NKD1: variants seen among roughly 807,000 people sequenced by gnomAD.
The protein encoded by NKD1 is protein naked cuticle homolog 1.
In NKD1, 21 loss-of-function variants were observed where a neutral mutation model predicts 56.0. The observed-to-expected ratio is 0.38, with a 90% CI of 0.27 to 0.54. The LOEUF is 0.54. Ranked by LOEUF, NKD1 falls within the 20% of genes least tolerant of loss-of-function variation. The pLI is 0.82. For missense variants in NKD1, 578 were observed against 642.7 expected (o/e 0.90, Z 1.09); for synonymous variants, 263 against 265.7 (o/e 0.99, Z 0.10).
intron 3 of NKD1, among the ~76,000 whole-genome samples, chr16:50,578,987 ATG>A (rs1961048272): frequency 6.6e-6 from 1 of 152,168 alleles, no homozygotes; most frequent in Admixed American, 6.5e-5. Context: ...GTCATTGTGC[ATG>A]TGTTCCTGCT....
chr16:50,577,643 C>T (rs931102004), intron 3 of NKD1, among the ~76,000 whole-genome samples: 2 of 152,168 alleles, frequency 1.3e-5, no homozygotes, highest in Non-Finnish European at 2.9e-5. Flanking sequence ...ACTTTGTACC[C>T]CTTGGCCATC....
Position 50,618,831 on chromosome 16 carries a change from C to T in NKD1, c.260-2771C>T, listed in dbSNP as rs74017746. On this transcript the variant is annotated intron_variant, in intron 4 of 9. Coordinates refer to ENST00000268459, the MANE Select transcript of NKD1 (RefSeq NM_033119.5). ...AGCCACTGGTGAAGAGAGGACAATCCGGGCCACACTGGTCTTTGGGGAAGA... is the reference window on the plus strand; with the variant it reads ...AGCCACTGGTGAAGAGAGGACAATCTGGGCCACACTGGTCTTTGGGGAAGA... Among the ~76,000 whole-genome samples, 972 of 152,182 alleles carry T rather than the reference C, an allele frequency of 6.4e-3. 6 individuals are homozygous for T. Among genetic ancestry groups the T allele is most frequent in the African/African-American group, 0.022 (911 of 41,520 alleles).
chr16:50,610,316 G>A (rs1191594235), intron 4 of NKD1, among the ~76,000 whole-genome samples: 1 of 152,226 alleles, frequency 6.6e-6, no homozygotes, highest in East Asian at 1.9e-4. Context: ...GAGTCGGGTG[G>A]GCATCTGGAC....
At chr16:50,589,633 C>G (rs1417293932) in intron 3 of NKD1, among the ~76,000 whole-genome samples, 1 of 152,138 alleles carries the variant, frequency 6.6e-6, no homozygotes, top group Non-Finnish European at 1.5e-5. Context: ...TTCACGCTCC[C>G]CTATAAAGGC....
In NKD1 at chr16:50,644,729, C is replaced by T. The variant is rs1477342986; in HGVS notation, c.*10948C>T. On this transcript the variant is annotated 3_prime_UTR_variant, in exon 10 of 10. Transcript: ENST00000268459. ...AGCCAACATCACCTGATTCTGTTTC[C>T]TCTGACTCTGTCCTCAAAAGGCAGC... The T allele has an allele frequency of 6.6e-6, 1 of 152,298 alleles. No homozygotes were observed. Among genetic ancestry groups the T allele is most frequent in the East Asian group, 1.9e-4 (1 of 5,198 alleles). 9.4% of individuals were successfully genotyped at this position (152,298 alleles called of 1,614,324 possible). A position where few individuals can be genotyped will look rare whatever the true frequency, so the allele number is the denominator to read the frequency against.
At chr16:50,590,035 AG>A (rs1011703232) in intron 3 of NKD1, among the ~76,000 whole-genome samples, 4 of 151,980 alleles carry the variant, frequency 2.6e-5, no homozygotes, top group African/African-American at 9.7e-5. Context: ...TTTTGTAGAC[AG>A]GTCTTGCTAT....
intron 3 of NKD1, among the ~76,000 whole-genome samples, chr16:50,601,498 G>T (rs975774286): frequency 1.3e-5 from 2 of 152,230 alleles, no homozygotes; most frequent in Admixed American, 1.3e-4. Context: ...CTGCCCACAG[G>T]CAGCCTCCTT....
chr16:50,613,166 C>T (rs1567349174), intron 4 of NKD1, among the ~76,000 whole-genome samples: 1 of 152,032 alleles, frequency 6.6e-6, no homozygotes, highest in African/African-American at 2.4e-5. Flanking sequence ...TCAAGCCTCC[C>T]GTTTTTGGAC....
chr16:50,588,554 T>C lies in NKD1; in HGVS notation c.193-19740T>C, dbSNP rs545529449. ...TGGGTTGAAATCCCAGTGCTGCCAC[T>C]TGTTAGCTACTTGTTCAAGTTTCTT... On this transcript the variant is annotated intron_variant, in intron 3 of 9. Coordinates refer to ENST00000268459, the MANE Select transcript of NKD1 (RefSeq NM_033119.5). Among the ~76,000 whole-genome samples the C allele has an allele frequency of 1.2e-4, 19 of 152,172 alleles. No individual in the cohort carries two copies. The East Asian group carries it at 3.7e-3, about 29-fold the overall frequency.
rs71928407 is a variant in NKD1, at chr16:50,623,725, C to CTGTG, written c.367-1724_367-1721dup. Among the ~76,000 whole-genome samples the CTGTG allele has an allele frequency of 0.027, 3,854 of 141,592 alleles. 101 individuals are homozygous for CTGTG. Among genetic ancestry groups the CTGTG allele is most frequent in the African/African-American group, 0.063 (2,384 of 38,100 alleles). 92.9% of individuals were successfully genotyped at this position (141,592 alleles called of 152,430 possible). On this transcript the variant is annotated intron_variant, in intron 5 of 9. Coordinates refer to ENST00000268459, the MANE Select transcript of NKD1 (RefSeq NM_033119.5). The surrounding 1 kb of genome is among the most constrained non-coding windows in gnomAD (Gnocchi z 4.1). The stretch of plus-strand genomic sequence containing the variant: ...AAGCTGTCTTGGAAACAGGTAAGTG[C>CTGTG]TGTGTGTGTGTGTGTGTGTGTGTGT...
chr16:50,597,038 G>GGGGCTTTGAT (rs1276098249), intron 3 of NKD1, among the ~76,000 whole-genome samples: 1 of 152,170 alleles, frequency 6.6e-6, no homozygotes, highest in Non-Finnish European at 1.5e-5. Context: ...CAAATTGGGT[G>GGGGCTTTGAT]GGGCTTTGAT....
intron 3 of NKD1, among the ~76,000 whole-genome samples, chr16:50,560,823 C>CATCTATCTATCT (rs150440223): frequency 0.4 from 59,581 of 148,342 alleles, 12,326 homozygotes; most frequent in Middle Eastern, 0.5. Context: ...TACCCAAACC[C>CATCTATCTATCT]ATCTATCTAT....
In NKD1 at chr16:50,611,609, G is replaced by C. The variant is rs927447513; in HGVS notation, c.259+3249G>C. 3.9e-5 allele frequency among the ~76,000 whole-genome samples: 6 copies of C among 152,214 alleles called. No homozygotes were observed. In the South Asian group the frequency reaches 1.2e-3, roughly 31 times the overall value. ...GGGAGCAGTGTTAAGACTGAGGCCTGGTGGGGGCTGAGCAGCACTCGGGGA... is the reference window on the plus strand; with the variant it reads ...GGGAGCAGTGTTAAGACTGAGGCCTCGTGGGGGCTGAGCAGCACTCGGGGA... On this transcript the variant is annotated intron_variant, in intron 4 of 9. Coordinates refer to ENST00000268459, the MANE Select transcript of NKD1 (RefSeq NM_033119.5).
At chr16:50,559,173 G>A (rs71384569) in intron 3 of NKD1, among the ~76,000 whole-genome samples, 11,140 of 152,272 alleles carry the variant, frequency 0.073, 669 homozygotes, top group East Asian at 0.3. Flanking sequence ...TTTAAGGGTA[G>A]AAATGGGTTC....
intron 6 of NKD1, among the ~76,000 whole-genome samples, chr16:50,626,087 G>A (rs1316500229): frequency 6.6e-6 from 1 of 152,242 alleles, no homozygotes; most frequent in Non-Finnish European, 1.5e-5. Flanking sequence ...GGCCCTGCCA[G>A]TGGCTCTGCA....
chr16:50,617,638 C>T (rs367561809), intron 4 of NKD1, among the ~76,000 whole-genome samples: 4 of 152,158 alleles, frequency 2.6e-5, no homozygotes, highest in East Asian at 1.9e-4. Flanking sequence ...TGAGGAGGGA[C>T]AGGGAGCAGT....
At chr16:50,607,547 T>C (rs1446776357) in intron 3 of NKD1, 1 of 155,872 alleles carries the variant, frequency 6.4e-6, no homozygotes, top group Non-Finnish European at 1.4e-5. Context: ...GAGTATTTCC[T>C]AAAGTGGGTT....
chr16:50,611,033 A>T (rs1215361648), intron 4 of NKD1, among the ~76,000 whole-genome samples: 1 of 152,156 alleles, frequency 6.6e-6, no homozygotes, highest in Non-Finnish European at 1.5e-5. Flanking sequence ...TTCAGCGCAC[A>T]CCCAGCCTCC....
chr16:50,578,071 A>G (rs1158132230), intron 3 of NKD1, among the ~76,000 whole-genome samples: 1 of 152,224 alleles, frequency 6.6e-6, no homozygotes, highest in Non-Finnish European at 1.5e-5. Context: ...CTCATGGACC[A>G]GTCCAATACA....
Sources: allele counts gnomAD v4.1 joint callset (sites outside exome capture counted in the v4.1 genomes callset), GRCh38; gene constraint gnomAD v4.1.1; non-coding constraint Gnocchi (gnomAD v3.1); transcripts MANE v1.5; gene names NCBI Gene and HGNC (gene_info 2026-07-23, HGNC 2026-07-21).